CSMD1: variants seen among roughly 807,000 people sequenced by gnomAD.
CSMD1 encodes CUB and sushi domain-containing protein 1.
Under a neutral mutation model 417.5 loss-of-function variants are expected in CSMD1, and 213 were observed. The ratio of observed to expected loss-of-function variants is 0.51; its 90% confidence interval spans 0.46 to 0.57. CSMD1 has a LOEUF of 0.57. Ranked by LOEUF, CSMD1 falls within the 20% of genes least tolerant of loss-of-function variation. The pLI is 0.00. For synonymous variants in CSMD1, 2,862 were observed against 1,736.8 expected (o/e 1.65, Z -16.11); for missense variants, 6,923 against 4,529.7 (o/e 1.53, Z -15.17).
intron 50 of CSMD1, among the ~76,000 whole-genome samples, chr8:3,032,394 A>AT (rs947454995): frequency 6.6e-6 from 1 of 151,956 alleles, no homozygotes; most frequent in African/African-American, 2.4e-5. Flanking sequence ...TTGTGTCTCC[A>AT]TGCACCCCTG....
chr8:3,295,186 G>A (rs577012538), intron 25 of CSMD1, among the ~76,000 whole-genome samples: 5 of 152,126 alleles, frequency 3.3e-5, no homozygotes, highest in Admixed American at 3.3e-4. Context: ...GTGCAGTGGT[G>A]TGATCTTGGC....
chr8:2,959,571 C>G (rs1391538497), intron 62 of CSMD1, among the ~76,000 whole-genome samples: 1 of 151,838 alleles, frequency 6.6e-6, no homozygotes, highest in Non-Finnish European at 1.5e-5. Flanking sequence ...TTTTTTTTAG[C>G]AGAATATACC....
At chr8:3,173,583 T>G (rs1820717790) in intron 37 of CSMD1, among the ~76,000 whole-genome samples, 1 of 152,200 alleles carries the variant, frequency 6.6e-6, no homozygotes, top group South Asian at 2.1e-4. Flanking sequence ...GTAAGTGTCT[T>G]AACATGAGGC....
intron 1 of CSMD1, among the ~76,000 whole-genome samples, chr8:4,926,569 G>C (rs1356523114): frequency 6.6e-6 from 1 of 152,002 alleles, no homozygotes; most frequent in Non-Finnish European, 1.5e-5. Context: ...ATATAGCCTT[G>C]GGGAAAAACC....
chr8:3,341,913 A>G (rs1310036346), intron 23 of CSMD1, among the ~76,000 whole-genome samples: 3 of 152,184 alleles, frequency 2.0e-5, no homozygotes, highest in Admixed American at 6.5e-5. Context: ...GACAGGGACG[A>G]GAAGTGGAAA....
At position 3,905,183 on chromosome 8, in the gene CSMD1, AAT is replaced by A. The variant is rs1168014099; in HGVS notation, c.818+92718_818+92719del. 7.2e-5 allele frequency among the ~76,000 whole-genome samples: 11 copies of A among 152,320 alleles called. No individual in the cohort carries two copies. The East Asian group carries it at 7.7e-4, about 11-fold the overall frequency. ...ATTAATAACAGGCAAACATAGAAAA[AAT>A]ATGTTCATATAAAAGATAATATTTT... On this transcript the variant is annotated intron_variant, in intron 5 of 69. Coordinates refer to ENST00000635120, the MANE Select transcript of CSMD1 (RefSeq NM_033225.6).
chr8:3,715,039 G>A (rs1801746879), intron 6 of CSMD1, among the ~76,000 whole-genome samples: 2 of 152,050 alleles, frequency 1.3e-5, no homozygotes, highest in Admixed American at 1.3e-4. Context: ...TTCATTAATA[G>A]ACACAATTAC....
intron 3 of CSMD1, among the ~76,000 whole-genome samples, chr8:4,046,181 T>C (rs1019580990): frequency 6.6e-5 from 10 of 152,284 alleles, no homozygotes; most frequent in Middle Eastern, 3.4e-3. Flanking sequence ...TTTATATGTG[T>C]ATGTGTGCGT....
At chr8:3,753,047 C>T (rs751186887) in intron 6 of CSMD1, among the ~76,000 whole-genome samples, 1 of 152,204 alleles carries the variant, frequency 6.6e-6, no homozygotes, top group Non-Finnish European at 1.5e-5. Flanking sequence ...CCGTGACCTG[C>T]TAGTTCCTGC....
At chr8:3,650,020 T>G (rs992302381) in intron 7 of CSMD1, among the ~76,000 whole-genome samples, 6 of 152,340 alleles carry the variant, frequency 3.9e-5, no homozygotes, top group Non-Finnish European at 8.8e-5. Context: ...GGCTCATGCC[T>G]GGAATCCCAG....
chr8:4,417,571 A>G (rs1311909370), intron 3 of CSMD1, among the ~76,000 whole-genome samples: 2 of 152,042 alleles, frequency 1.3e-5, no homozygotes, highest in African/African-American at 4.8e-5. Flanking sequence ...ATCTAAATCC[A>G]GTTGCCTTTA....
chr8:3,986,969 G>T (rs761218765), intron 5 of CSMD1, among the ~76,000 whole-genome samples: 1 of 152,100 alleles, frequency 6.6e-6, no homozygotes, highest in Non-Finnish European at 1.5e-5. Context: ...AGTTCAGGCT[G>T]TTCTTGAACT....
chr8:3,491,888 G>C (rs538432009), intron 11 of CSMD1, among the ~76,000 whole-genome samples: 2 of 152,180 alleles, frequency 1.3e-5, no homozygotes, highest in Non-Finnish European at 2.9e-5. Context: ...GAGTTAGAAA[G>C]AGACAGAATG....
chr8:3,786,196 C>G (rs775617545), intron 5 of CSMD1, among the ~76,000 whole-genome samples: 1 of 152,042 alleles, frequency 6.6e-6, no homozygotes, highest in Non-Finnish European at 1.5e-5. Context: ...GAGATCTCCC[C>G]TGTTATTTTG....
chr8:3,848,371 A>G (rs1036270895), intron 5 of CSMD1, among the ~76,000 whole-genome samples: 6 of 151,922 alleles, frequency 3.9e-5, no homozygotes, highest in South Asian at 2.1e-4. Context: ...AAAAAGACTC[A>G]TTTTTTTTCT....
At chr8:3,354,910 T>C (rs1311229450) in intron 21 of CSMD1, among the ~76,000 whole-genome samples, 2 of 151,280 alleles carry the variant, frequency 1.3e-5, no homozygotes, top group African/African-American at 4.8e-5. Flanking sequence ...GATCTATCTA[T>C]AGATATGTCT....
rs187705885 is a variant in CSMD1 at position 4,661,877 on chromosome 8, T to C, written c.86-24319A>G. On this transcript the variant is annotated intron_variant, in intron 1 of 69. Coordinates refer to ENST00000635120, the MANE Select transcript of CSMD1 (RefSeq NM_033225.6). ...ATGTTATCATGGAGATGAAGGACGG[T>C]AGCATGCTGAGACAAGAATATACGT... is the stretch of plus-strand genomic sequence containing the variant. Among the ~76,000 whole-genome samples the C allele has an allele frequency of 1.8e-3, 273 of 152,312 alleles. 2 individuals are homozygous for C. The highest frequency in any genetic ancestry group is 4.9e-4 in the Non-Finnish European group (33 of 68,024).
chr8:4,129,334 AT>A (rs538601507), intron 3 of CSMD1, among the ~76,000 whole-genome samples: 229 of 152,180 alleles, frequency 1.5e-3, no homozygotes, highest in African/African-American at 5.4e-3. Flanking sequence ...CTGGGAATTC[AT>A]TTTTTGAACC....
At chr8:3,297,518 C>T (rs1455399509) in intron 25 of CSMD1, among the ~76,000 whole-genome samples, 3 of 151,980 alleles carry the variant, frequency 2.0e-5, no homozygotes, top group African/African-American at 7.2e-5. Context: ...CTGCATAGAT[C>T]TAGTTGTCTC....
Sources: gnomAD v4.1 joint callset for allele counts (sites outside exome capture counted in the v4.1 genomes callset) on GRCh38, gnomAD v4.1.1 for gene constraint, MANE v1.5 for transcripts, NCBI Gene and HGNC (gene_info 2026-07-23, HGNC 2026-07-21) for gene names.